SPAG9: variants seen among roughly 807,000 people sequenced by gnomAD.
The protein encoded by SPAG9 is sperm associated antigen 9, also known as C-Jun-amino-terminal kinase-interacting protein 4.
In SPAG9, 35 loss-of-function variants were observed where a neutral mutation model predicts 166.5. The ratio of observed to expected loss-of-function variants is 0.21; its 90% CI spans 0.16 to 0.28. The LOEUF is 0.28. Ranked by LOEUF, SPAG9 falls within the 10% of genes least tolerant of loss-of-function variation. The pLI is 1.00. For synonymous variants in SPAG9, 534 were observed against 565.5 expected (o/e 0.94, Z 0.79); for missense variants, 1,235 against 1,603.3 (o/e 0.77, Z 3.92).
intron 1 of SPAG9, among the ~76,000 whole-genome samples, chr17:51,099,759 TAAAAA>T (rs58721041): frequency 6.9e-5 from 3 of 43,630 alleles, no homozygotes; most frequent in Non-Finnish European, 9.6e-5. Context: ...CTTCTATTAC[TAAAAA>T]AAAAAAAAAA....
At chr17:51,009,491 T>C (rs1017695995) in intron 9 of SPAG9, among the ~76,000 whole-genome samples, 5 of 152,176 alleles carry the variant, frequency 3.3e-5, no homozygotes, top group Non-Finnish European at 7.4e-5. Context: ...GTATGATCCA[T>C]ATATTATCCT....
intron 5 of SPAG9, among the ~76,000 whole-genome samples, chr17:51,037,925 T>A (rs1179812914): frequency 2.0e-5 from 3 of 151,832 alleles, no homozygotes; most frequent in Non-Finnish European, 4.4e-5. Flanking sequence ...TATAAGGAGT[T>A]TCTTTTTATC....
At chr17:50,981,390 G>GTGGATGGATGGA (rs529102170) in intron 25 of SPAG9, among the ~76,000 whole-genome samples, 1,758 of 150,126 alleles carry the variant, frequency 0.012, 39 homozygotes, top group African/African-American at 0.041. Context: ...CAACCTGTGT[G>GTGGATGGATGGA]TGGATGGATG....
intron 19 of SPAG9, 60 bp from the exon 20 acceptor site, chr17:50,990,728 C>G (rs1177538436): frequency 1.5e-6 from 2 of 1,369,548 alleles, no homozygotes; most frequent in Admixed American, 3.5e-5. Context: ...ATTTTTTTTA[C>G]TAAAACAATT....
At chr17:50,995,392 A>G in intron 17 of SPAG9, 52 bp downstream of exon 17, 1 of 1,489,436 alleles carries the variant, frequency 6.7e-7, no homozygotes. Flanking sequence ...TTTTAGAAAA[A>G]AAACTACCCA....
At chr17:51,106,545 C>A (rs2048956378) in intron 1 of SPAG9, among the ~76,000 whole-genome samples, 1 of 152,100 alleles carries the variant, frequency 6.6e-6, no homozygotes, top group African/African-American at 2.4e-5. Context: ...GCCTGTAATC[C>A]CAGCACTTTG....
At chr17:51,023,676 T>C (rs547716703) in intron 6 of SPAG9, among the ~76,000 whole-genome samples, 1 of 152,264 alleles carries the variant, frequency 6.6e-6, no homozygotes, top group South Asian at 2.1e-4. Context: ...TTCTTCTTTT[T>C]TTTCTAAGAC....
At position 51,047,421 on chromosome 17, in the gene SPAG9, G is replaced by A; in HGVS notation, c.544C>T (p.Leu182Phe). The A allele has an allele frequency of 1.3e-6, 2 of 1,593,436 alleles. No homozygotes were observed. The highest frequency in any genetic ancestry group is 8.6e-7 in the Non-Finnish European group (1 of 1,168,108). ...GATTCTAGTTGATCACTCCCTGAGAGCTGATGAAGTTTTGTTCTTTCTAAA... is the reference window on the plus strand; with the variant it reads ...GATTCTAGTTGATCACTCCCTGAGAACTGATGAAGTTTTGTTCTTTCTAAA... ...EHLERTKLHQ[L>F]SGSDQLESTA... Residue 182 changes from leucine to phenylalanine, a missense_variant, in exon 4 of 30, where the codon CTC becomes TTC. Transcript: ENST00000262013.
chr17:51,061,154 C>T (rs919566317), intron 2 of SPAG9, among the ~76,000 whole-genome samples: 5 of 152,044 alleles, frequency 3.3e-5, no homozygotes, highest in Admixed American at 2.0e-4. Flanking sequence ...CCGAGAGAAG[C>T]TTTTATATAA....
chr17:51,001,109 T>C (rs2044929821), intron 13 of SPAG9, among the ~76,000 whole-genome samples: 1 of 152,356 alleles, frequency 6.6e-6, no homozygotes, highest in Non-Finnish European at 1.5e-5. Flanking sequence ...TGTCAATGCA[T>C]ACTATTATTG....
At chr17:51,079,781 C>A in intron 1 of SPAG9, 77 bp from the exon 2 acceptor site, 1 of 977,500 alleles carries the variant, frequency 1.0e-6, no homozygotes, top group East Asian at 2.5e-5. Flanking sequence ...TTCTTGGAAT[C>A]AATAATCACA....
chr17:51,087,396 T>C (rs1426748691), intron 1 of SPAG9, among the ~76,000 whole-genome samples: 1 of 152,208 alleles, frequency 6.6e-6, no homozygotes, highest in Non-Finnish European at 1.5e-5. Context: ...TTCAAACAGA[T>C]GCCAAAATAC....
intron 2 of SPAG9, among the ~76,000 whole-genome samples, chr17:51,077,327 G>T (rs1403375428): frequency 6.6e-6 from 1 of 151,824 alleles, no homozygotes; most frequent in African/African-American, 2.4e-5. Flanking sequence ...TCTCCATGTT[G>T]GTCAGGCTGG....
At chr17:51,044,400 A>G (rs986857198) in intron 4 of SPAG9, among the ~76,000 whole-genome samples, 1 of 152,210 alleles carries the variant, frequency 6.6e-6, no homozygotes, top group East Asian at 1.9e-4. Context: ...AGCTATCAAC[A>G]ACTATCAGAA....
In SPAG9 at chr17:50,976,935, G is replaced by A. The variant is rs138172394; in HGVS notation, c.3523+173C>T. 893 of 541,368 alleles carry A rather than the reference G, an allele frequency of 1.6e-3. 7 individuals are homozygous for A. The highest frequency in any genetic ancestry group is 0.016 in the African/African-American group (831 of 52,400). 33.5% of individuals were successfully genotyped at this position (541,368 alleles called of 1,614,324 possible). On this transcript the variant is annotated intron_variant, in intron 27 of 29. Coordinates refer to ENST00000262013, the MANE Select transcript of SPAG9 (RefSeq NM_001130528.3). ...ACTTTTAATTATGAGTATTGGTCTT[G>A]ATACATGAAAACTTATTTTCCTAGA...
At chr17:50,984,143 T>C (rs1378996887) in intron 24 of SPAG9, among the ~76,000 whole-genome samples, 1 of 152,160 alleles carries the variant, frequency 6.6e-6, no homozygotes. Flanking sequence ...TCCCTCAACT[T>C]AATTCATTTA....
chr17:50,987,787 G>T (rs1375043908), intron 21 of SPAG9, among the ~76,000 whole-genome samples: 1 of 152,126 alleles, frequency 6.6e-6, no homozygotes, highest in African/African-American at 2.4e-5. Context: ...GAAATATAAA[G>T]AATGACCTAA....
At chr17:51,006,570 T>G (rs970796417) in intron 10 of SPAG9, among the ~76,000 whole-genome samples, 10 of 152,234 alleles carry the variant, frequency 6.6e-5, no homozygotes, top group Non-Finnish European at 1.5e-4. Context: ...TTTCTTGATG[T>G]TACCTTTAAT....
Position 50,962,599 on chromosome 17 carries a change from T to A in SPAG9, c.*3673A>T, listed in dbSNP as rs779037583. On this transcript the variant is annotated 3_prime_UTR_variant, in exon 30 of 30. Transcript: ENST00000262013. ...ATGTTACAAAGTGGGACCAAATGAGTCCCTTTCTGAACATGATCAATTAAG... is the reference window on the plus strand; with the variant it reads ...ATGTTACAAAGTGGGACCAAATGAGACCCTTTCTGAACATGATCAATTAAG... 6.6e-6 allele frequency: 1 copy of A among 152,142 alleles called. No individual in the cohort carries two copies. Among genetic ancestry groups the A allele is most frequent in the Admixed American group, 6.5e-5 (1 of 15,268 alleles). 9.4% of individuals were successfully genotyped at this position (152,142 alleles called of 1,614,324 possible).
Sources: allele counts gnomAD v4.1 joint callset (sites outside exome capture counted in the v4.1 genomes callset), GRCh38; gene constraint gnomAD v4.1.1; transcripts MANE v1.5; gene names NCBI Gene and HGNC (gene_info 2026-07-23, HGNC 2026-07-21).